The following SLC35F4 variants were observed in gnomAD, a reference collection of about 807,000 sequenced individuals.
The protein encoded by SLC35F4 is solute carrier family 35 member F4, also known as chromosome 14 open reading frame 36.
In SLC35F4, 24 loss-of-function variants were observed where a neutral mutation model predicts 44.2. The observed-to-expected ratio is 0.54, with a 90% CI of 0.39 to 0.76. The LOEUF (loss-of-function observed/expected upper bound fraction) is 0.76, where lower values mean the gene tolerates loss of function less well. SLC35F4 is among the 30% of genes least tolerant of loss of function. The pLI, the probability that SLC35F4 is intolerant of heterozygous loss-of-function variation, is 0.00. For synonymous variants in SLC35F4, 238 were observed against 223.6 expected (o/e 1.06, Z -0.57); for missense variants, 562 against 586.1 (o/e 0.96, Z 0.42).
At chr14:57,950,929 T>A (rs1194021420) in intron 1 of SLC35F4, among the ~76,000 whole-genome samples, 1 of 152,038 alleles carries the variant, frequency 6.6e-6, no homozygotes, top group African/African-American at 2.4e-5. Flanking sequence ...CCTACCAAAG[T>A]CCTGGGATTA....
At position 57,776,538 on chromosome 14, in the gene SLC35F4, C is replaced by A. The variant is rs184235908; in HGVS notation, c.103+89185G>T. On this transcript the variant is annotated intron_variant, in intron 1 of 7. Transcript: ENST00000556826. Reference sequence around the variant, plus strand: ...AAAATTTGCCAGGAGTGGTGGCACGCGCCTGCAATCCCAGCTAATTGGGAG... The same window carrying A: ...AAAATTTGCCAGGAGTGGTGGCACGAGCCTGCAATCCCAGCTAATTGGGAG... Among the ~76,000 whole-genome samples the A allele has an allele frequency of 2.5e-3, 373 of 151,850 alleles. 3 individuals carry two copies. The highest frequency in any genetic ancestry group is 0.01 in the Middle Eastern group (3 of 294).
intron 1 of SLC35F4, chr14:57,596,200 A>G (rs2070476958): frequency 6.4e-6 from 1 of 156,926 alleles, no homozygotes; most frequent in Admixed American, 6.3e-5. Context: ...AAAATGTACT[A>G]TGTAATCTTG....
At chr14:57,680,986 C>T (rs554500988) in intron 1 of SLC35F4, among the ~76,000 whole-genome samples, 5 of 152,206 alleles carry the variant, frequency 3.3e-5, no homozygotes, top group African/African-American at 1.2e-4. Context: ...ATCAAGCTAC[C>T]ATTGACTTTC....
chr14:57,689,689 A>G (rs1218814152), intron 1 of SLC35F4, among the ~76,000 whole-genome samples: 4 of 146,458 alleles, frequency 2.7e-5, no homozygotes, highest in Non-Finnish European at 6.0e-5. Context: ...TTGAACAATG[A>G]GAACACTTGG....
intron 1 of SLC35F4, among the ~76,000 whole-genome samples, chr14:57,762,288 T>C (rs2077142437): frequency 6.6e-6 from 1 of 152,166 alleles, no homozygotes; most frequent in Non-Finnish European, 1.5e-5. Context: ...AACAAGTTCC[T>C]CTATATCTAT....
chr14:57,570,967 A>G (rs984473859), intron 5 of SLC35F4, among the ~76,000 whole-genome samples: 2 of 152,210 alleles, frequency 1.3e-5, no homozygotes, highest in Non-Finnish European at 2.9e-5. Flanking sequence ...CCATTGAGTG[A>G]ACATTTGTCA....
intron 1 of SLC35F4, among the ~76,000 whole-genome samples, chr14:57,689,214 C>A (rs1594800215): frequency 6.6e-6 from 1 of 152,260 alleles, no homozygotes; most frequent in African/African-American, 2.4e-5. Context: ...ACAGCATCCT[C>A]CTCCAATTGA....
At chr14:57,958,811 G>T (rs1248994907) in intron 1 of SLC35F4, among the ~76,000 whole-genome samples, 1 of 152,210 alleles carries the variant, frequency 6.6e-6, no homozygotes, top group East Asian at 1.9e-4. Context: ...ATGTTCGCAT[G>T]CCACTTCATC....
intron 1 of SLC35F4, among the ~76,000 whole-genome samples, chr14:57,887,716 T>C (rs1448773798): frequency 6.6e-6 from 1 of 152,104 alleles, no homozygotes; most frequent in Non-Finnish European, 1.5e-5. Flanking sequence ...TCCAGGAAAG[T>C]GTCAGAGGCA....
At chr14:57,608,786 CCGGG>C (rs1237023949) in intron 1 of SLC35F4, among the ~76,000 whole-genome samples, 3 of 14,658 alleles carry the variant, frequency 2.0e-4, no homozygotes, top group South Asian at 2.2e-3. Context: ...CAAAAGATGG[CCGGG>C]GGGGGGCGGC....
chr14:57,938,747 G>A (rs1236606727), intron 1 of SLC35F4, among the ~76,000 whole-genome samples: 2 of 152,174 alleles, frequency 1.3e-5, no homozygotes, highest in African/African-American at 4.8e-5. Flanking sequence ...TTCTGTGGCT[G>A]CGGCTACTGC....
At chr14:57,646,519 T>C (rs2073525401) in intron 1 of SLC35F4, among the ~76,000 whole-genome samples, 1 of 152,236 alleles carries the variant, frequency 6.6e-6, no homozygotes, top group African/African-American at 2.4e-5. Context: ...TGTCTTTTCT[T>C]CTTTATTAGT....
At chr14:57,784,613 G>A (rs918727682) in intron 1 of SLC35F4, among the ~76,000 whole-genome samples, 3 of 152,130 alleles carry the variant, frequency 2.0e-5, no homozygotes, top group Admixed American at 1.3e-4. Context: ...GGAGGTTGAC[G>A]CTGCAGTAAG....
intron 1 of SLC35F4, among the ~76,000 whole-genome samples, chr14:57,961,503 A>G (rs2141088203): frequency 6.6e-6 from 1 of 152,280 alleles, no homozygotes; most frequent in East Asian, 1.9e-4. Flanking sequence ...GTTATAGTCT[A>G]CCATCCTCAT....
intron 1 of SLC35F4, among the ~76,000 whole-genome samples, chr14:57,775,643 C>A (rs955328455): frequency 1.8e-4 from 28 of 152,160 alleles, no homozygotes; most frequent in Admixed American, 6.5e-5. Context: ...GAAATAAAAT[C>A]CATCCAAAGG....
At chr14:57,904,359 G>T (rs1889068503) in intron 1 of SLC35F4, among the ~76,000 whole-genome samples, 1 of 152,180 alleles carries the variant, frequency 6.6e-6, no homozygotes, top group Admixed American at 6.5e-5. Context: ...GGACAGTTTT[G>T]TTATCCATAA....
upstream of SLC35F4, among the ~76,000 whole-genome samples, chr14:57,867,160 GA>G (rs1888190164): frequency 6.6e-6 from 1 of 151,384 alleles, no homozygotes; most frequent in African/African-American, 2.4e-5. Context: ...TTAGGGAGAA[GA>G]AAAAAAGAGA....
chr14:57,906,667 T>C (rs1378358262), intron 1 of SLC35F4, among the ~76,000 whole-genome samples: 3 of 152,202 alleles, frequency 2.0e-5, no homozygotes, highest in Non-Finnish European at 4.4e-5. Flanking sequence ...GTTGTATCAA[T>C]TTGCATGCAG....
At chr14:57,652,444 A>AATT (rs1250986086) in intron 1 of SLC35F4, among the ~76,000 whole-genome samples, 1 of 152,046 alleles carries the variant, frequency 6.6e-6, no homozygotes, top group African/African-American at 2.4e-5. Flanking sequence ...TTTTGGAGCA[A>AATT]ATTTCTTCTC....
Sources: gnomAD v4.1 joint callset for allele counts (sites outside exome capture counted in the v4.1 genomes callset) on GRCh38, gnomAD v4.1.1 for gene constraint, MANE v1.5 for transcripts, NCBI Gene and HGNC (gene_info 2026-07-23, HGNC 2026-07-21) for gene names.